The following TBC1D31 variants were observed in gnomAD, a reference collection of about 807,000 sequenced individuals.
TBC1D31 encodes WD repeat domain 67.
In TBC1D31, 99 loss-of-function variants were observed where a neutral mutation model predicts 132.9. The ratio of observed to expected loss-of-function variants is 0.74; its 90% confidence interval spans 0.63 to 0.88. TBC1D31 has a LOEUF of 0.88. TBC1D31 is among the 40% of genes least tolerant of loss of function. TBC1D31 has a pLI of 0.00. For missense variants in TBC1D31, 1,134 were observed against 1,256.6 expected, an observed-to-expected ratio of 0.90 and a Z score of 1.48; for synonymous variants, 385 against 419.4, an observed-to-expected ratio of 0.92 and a Z score of 1.00.
chr8:123,096,796 C>A (rs917057915), intron 5 of TBC1D31, among the ~76,000 whole-genome samples: 1 of 152,176 alleles, frequency 6.6e-6, no homozygotes, highest in African/African-American at 2.4e-5. Flanking sequence ...ACAACTTACT[C>A]TTTTTGTATC....
intron 17 of TBC1D31, among the ~76,000 whole-genome samples, chr8:123,136,624 T>C (rs1821122199): frequency 6.6e-6 from 1 of 152,152 alleles, no homozygotes; most frequent in South Asian, 2.1e-4. Flanking sequence ...CTAATTTTTG[T>C]ATTTTTAATA....
chr8:123,103,942 A>T (rs1817684635), intron 7 of TBC1D31: 1 of 152,176 alleles, frequency 6.6e-6, no homozygotes, highest in Non-Finnish European at 1.5e-5. Context: ...TCAATTCTAT[A>T]TTCTCTATAA....
At chr8:123,119,571 T>G (rs1432765952) in intron 10 of TBC1D31, among the ~76,000 whole-genome samples, 1 of 152,040 alleles carries the variant, frequency 6.6e-6, no homozygotes, top group Non-Finnish European at 1.5e-5. Flanking sequence ...TAGCCAGGCA[T>G]AGTGGCATAC....
In TBC1D31 at chr8:123,105,249, T is replaced by C. The variant is rs756415132; in HGVS notation, c.1033-39T>C. The stretch of plus-strand genomic sequence containing the variant: ...CATTAACAGGCCTGTCTTCCAAGGA[T>C]ATCCATTAGAATATATATATATTTA... On this transcript the variant is annotated intron_variant, in intron 7 of 21. Transcript: ENST00000287380. The C allele has an allele frequency of 2.6e-5, 35 of 1,372,212 alleles. 1 individual carries two copies. In the African/African-American group the frequency reaches 2.7e-4, roughly 10 times the overall value. 85.0% of individuals were successfully genotyped at this position (1,372,212 alleles called of 1,614,324 possible).
At chr8:123,101,855 G>A (rs1216620205) in intron 7 of TBC1D31, among the ~76,000 whole-genome samples, 1 of 152,146 alleles carries the variant, frequency 6.6e-6, no homozygotes, top group Non-Finnish European at 1.5e-5. Context: ...CTCAGTGCTT[G>A]CCCTGCCCAT....
chr8:123,125,395 T>C (rs1819939170), intron 11 of TBC1D31, among the ~76,000 whole-genome samples: 1 of 152,172 alleles, frequency 6.6e-6, no homozygotes, highest in African/African-American at 2.4e-5. Context: ...TGTTACCGAT[T>C]GGTTGGTTTT....
Position 123,100,802 on chromosome 8 carries a change from CTT to C in TBC1D31, c.832-4_832-3del, listed in dbSNP as rs772250742. ...TTTTAGGAATTTATATTTTTTCTCT[CTT>C]AGGTTCTTGGAGTACTAAGTCAAGA... On this transcript the variant is annotated splice_region_variant and splice_polypyrimidine_tract_variant and intron_variant, in intron 6 of 21. Transcript: ENST00000287380. The C allele has an allele frequency of 3.4e-5, 54 of 1,607,412 alleles. No individual in the cohort carries two copies. In the South Asian group the frequency reaches 5.9e-4, roughly 18 times the overall value.
At chr8:123,149,705 C>A (rs980780605) in intron 20 of TBC1D31, among the ~76,000 whole-genome samples, 2 of 152,216 alleles carry the variant, frequency 1.3e-5, no homozygotes, top group African/African-American at 4.8e-5. Flanking sequence ...TAGCTAAAAC[C>A]AGTAGTGATC....
chr8:123,142,877 T>C (rs2130918130), intron 19 of TBC1D31, among the ~76,000 whole-genome samples: 1 of 152,342 alleles, frequency 6.6e-6, no homozygotes, highest in Non-Finnish European at 1.5e-5. Flanking sequence ...GCTAATTCTT[T>C]ATACTTACAA....
chr8:123,140,925 T>C, intron 18 of TBC1D31, 24 bp downstream of exon 18: 4 of 1,605,798 alleles, frequency 2.5e-6, no homozygotes, highest in Non-Finnish European at 1.7e-6. Context: ...CCATTTAGTA[T>C]ACATGCAGAG....
chr8:123,082,926 C>G, intron 3 of TBC1D31, 109 bp downstream of exon 3: 2 of 689,074 alleles, frequency 2.9e-6, no homozygotes, highest in East Asian at 2.8e-5. Context: ...CATGACAGCC[C>G]TCCCTTCAGA....
chr8:123,153,154 G>A (rs563895215), downstream of TBC1D31, among the ~76,000 whole-genome samples: 2 of 152,278 alleles, frequency 1.3e-5, no homozygotes, highest in South Asian at 4.1e-4. Flanking sequence ...CCAAGCTGGT[G>A]TGTGTTTTTT....
intron 10 of TBC1D31, among the ~76,000 whole-genome samples, chr8:123,115,754 C>T (rs1005990898): frequency 1.3e-5 from 2 of 152,174 alleles, no homozygotes; most frequent in Non-Finnish European, 2.9e-5. Context: ...CTAACCATTC[C>T]TCTGTAGTCG....
intron 15 of TBC1D31, 71 bp from the exon 16 acceptor site, chr8:123,130,127 C>T (rs1586699834): frequency 6.8e-7 from 1 of 1,464,310 alleles, no homozygotes; most frequent in Non-Finnish European, 9.3e-7. Context: ...GCATGGCAGA[C>T]CTGTTATGAA....
chr8:123,114,317 T>TTTG (rs149336241), intron 10 of TBC1D31, among the ~76,000 whole-genome samples: 519 of 151,514 alleles, frequency 3.4e-3, no homozygotes, highest in Middle Eastern at 0.01. Flanking sequence ...TTGTTTGTTT[T>TTTG]TTGTTGTTGT....
intron 20 of TBC1D31, among the ~76,000 whole-genome samples, chr8:123,146,471 C>A (rs1353619612): frequency 6.6e-6 from 1 of 152,192 alleles, no homozygotes; most frequent in Non-Finnish European, 1.5e-5. Flanking sequence ...TCTTGAGATT[C>A]AACCATGTTG....
intron 11 of TBC1D31, among the ~76,000 whole-genome samples, chr8:123,120,443 A>G (rs148650005): frequency 0.014 from 2,113 of 152,294 alleles, 43 homozygotes; most frequent in African/African-American, 0.048. Flanking sequence ...AGGCTGAGGC[A>G]GGCGGATCAC....
chr8:123,152,984 T>C (rs568046225), downstream of TBC1D31, among the ~76,000 whole-genome samples: 58 of 152,238 alleles, frequency 3.8e-4, no homozygotes, highest in Non-Finnish European at 7.2e-4. Flanking sequence ...CATAATCTTA[T>C]GGTTTATCAA....
chr8:123,149,776 T>C (rs1462532682), intron 20 of TBC1D31, among the ~76,000 whole-genome samples: 1 of 152,252 alleles, frequency 6.6e-6, no homozygotes, highest in African/African-American at 2.4e-5. Context: ...TATCTTAATA[T>C]CCATATTTTT....
Sources: gnomAD v4.1 joint callset for allele counts (sites outside exome capture counted in the v4.1 genomes callset) on GRCh38, gnomAD v4.1.1 for gene constraint, MANE v1.5 for transcripts, NCBI Gene and HGNC (gene_info 2026-07-23, HGNC 2026-07-21) for gene names.